CSGALNACT1: variants seen among roughly 807,000 people sequenced by gnomAD.
CSGALNACT1 encodes beta4GalNAcT-1.
CSGALNACT1 carries 52 observed loss-of-function variants against 51.0 expected under a neutral mutation model. That is an observed-to-expected ratio of 1.02 (90% CI 0.82 to 1.29). CSGALNACT1 has a LOEUF of 1.29. Among genes scored for constraint, CSGALNACT1 ranks in the 50% most tolerant of loss-of-function variants. The probability of loss-of-function intolerance (pLI) is 0.00; values close to 1 mark genes in which losing one functional copy is unlikely to be tolerated. For synonymous variants in CSGALNACT1, 341 were observed against 254.4 expected, an observed-to-expected ratio of 1.34 and a Z score of -3.24; for missense variants, 935 against 679.2, an observed-to-expected ratio of 1.38 and a Z score of -4.19.
At chr8:19,404,531 C>T (rs2053773901) in exon 10 of CSGALNACT1, 1 of 453,828 alleles carries the variant, frequency 2.2e-6, no homozygotes. Flanking sequence ...CAGTTACTTC[C>T]ACCTGGCCTG....
chr8:19,635,488 T>C lies in CSGALNACT1; in HGVS notation c.-543-33623A>G, dbSNP rs181013029. ...CGCATACATGTGGCATCTGTTAGTG[T>C]CAGGGGCTTAGGGGTGAACCTCGGC... On this transcript the variant is annotated intron_variant, in intron 1 of 9. Coordinates refer to the CSGALNACT1 transcript ENST00000332246. Among the ~76,000 whole-genome samples the C allele has an allele frequency of 1.1e-4, 17 of 152,318 alleles. No individual in the cohort carries two copies. The East Asian group carries it at 2.9e-3, about 26-fold the overall frequency.
At chr8:19,604,524 C>A (rs560109801), upstream of CSGALNACT1, among the ~76,000 whole-genome samples, 43 of 152,286 alleles carry the variant, frequency 2.8e-4, no homozygotes, top group Middle Eastern at 3.4e-3. Flanking sequence ...CAAAACCAAA[C>A]TCTACAAAGG....
chr8:19,698,790 A>C (rs911167352), intron 1 of CSGALNACT1, among the ~76,000 whole-genome samples: 2 of 152,210 alleles, frequency 1.3e-5, no homozygotes, highest in Non-Finnish European at 2.9e-5. Context: ...TCATTGATTT[A>C]CCATATGATC....
intron 9 of CSGALNACT1, among the ~76,000 whole-genome samples, 178 bp downstream of exon 8, chr8:19,408,435 C>G (rs1435203452): frequency 7.1e-6 from 1 of 141,100 alleles, no homozygotes; most frequent in South Asian, 2.5e-4. Flanking sequence ...ACTGGGATTA[C>G]AGGTGTGAGC....
chr8:19,537,534 T>C (rs2084040110), intron 3 of CSGALNACT1, among the ~76,000 whole-genome samples: 1 of 152,194 alleles, frequency 6.6e-6, no homozygotes, highest in South Asian at 2.1e-4. Flanking sequence ...TCCTGTTCCC[T>C]TTACCCCTCA....
chr8:19,641,163 C>T (rs1441890542), intron 1 of CSGALNACT1, among the ~76,000 whole-genome samples: 1 of 140,656 alleles, frequency 7.1e-6, no homozygotes, highest in Non-Finnish European at 1.5e-5. Context: ...TTTAAACCAA[C>T]CCTCTCTCTC....
At chr8:19,493,307 G>A (rs964954024) in intron 4 of CSGALNACT1, among the ~76,000 whole-genome samples, 2 of 152,080 alleles carry the variant, frequency 1.3e-5, no homozygotes, top group Non-Finnish European at 2.9e-5. Context: ...GGGGGAGGGG[G>A]ACAGAGATTG....
chr8:19,744,451 G>A (rs1044065562), intron 1 of CSGALNACT1, among the ~76,000 whole-genome samples: 9 of 152,118 alleles, frequency 5.9e-5, no homozygotes, highest in South Asian at 2.1e-4. Flanking sequence ...TGTCCAACAC[G>A]TCCCTTATAA....
At chr8:19,468,036 G>C (rs1381353437) in intron 4 of CSGALNACT1, among the ~76,000 whole-genome samples, 1 of 152,264 alleles carries the variant, frequency 6.6e-6, no homozygotes, top group South Asian at 2.1e-4. Context: ...GTGCTTTCAG[G>C]ATTCACATTC....
intron 3 of CSGALNACT1, among the ~76,000 whole-genome samples, chr8:19,507,904 G>A (rs532152476): frequency 6.6e-6 from 1 of 152,372 alleles, no homozygotes; most frequent in Admixed American, 6.5e-5. Flanking sequence ...TGGGATTACA[G>A]GCGTGAGCCG....
At chr8:19,562,529 A>G (rs1309427315) in intron 3 of CSGALNACT1, among the ~76,000 whole-genome samples, 1 of 152,154 alleles carries the variant, frequency 6.6e-6, no homozygotes, top group Non-Finnish European at 1.5e-5. Flanking sequence ...CAATCTACAG[A>G]ATGGGGAAAA....
intron 8 of CSGALNACT1, 136 bp from the exon 8 acceptor site, chr8:19,408,830 C>T (rs374498183): frequency 1.4e-5 from 11 of 765,206 alleles, no homozygotes; most frequent in East Asian, 1.0e-4. Context: ...GTGCAGGAAA[C>T]GCAGATGGAT....
At chr8:19,554,419 C>T (rs1468371989) in intron 3 of CSGALNACT1, among the ~76,000 whole-genome samples, 1 of 152,098 alleles carries the variant, frequency 6.6e-6, no homozygotes, top group Admixed American at 6.6e-5. Flanking sequence ...GGCCAAGATC[C>T]TCACCTTCTA....
intron 5 of CSGALNACT1, among the ~76,000 whole-genome samples, chr8:19,440,940 C>A (rs2061235959): frequency 6.6e-6 from 1 of 152,032 alleles, no homozygotes. Context: ...AAACAGAGAG[C>A]CCAATCATGA....
At chr8:19,558,986 A>C (rs2040099824) in intron 3 of CSGALNACT1, among the ~76,000 whole-genome samples, 1 of 152,192 alleles carries the variant, frequency 6.6e-6, no homozygotes, top group Admixed American at 6.5e-5. Context: ...CAAATATTTG[A>C]TGTTCCTTGA....
At chr8:19,722,812 G>A in intron 1 of CSGALNACT1, among the ~76,000 whole-genome samples, 1 of 152,166 alleles carries the variant, frequency 6.6e-6, no homozygotes, top group Non-Finnish European at 1.5e-5. Context: ...TAACATGTTG[G>A]GGACCAGTAT....
chr8:19,660,019 T>G (rs2058625127), intron 1 of CSGALNACT1, among the ~76,000 whole-genome samples: 1 of 152,212 alleles, frequency 6.6e-6, no homozygotes, highest in African/African-American at 2.4e-5. Flanking sequence ...GTAGTACTAT[T>G]ATTGTCCCAG....
At chr8:19,616,479 G>A (rs552839143) in intron 1 of CSGALNACT1, among the ~76,000 whole-genome samples, 5 of 152,164 alleles carry the variant, frequency 3.3e-5, no homozygotes, top group Admixed American at 3.3e-4. Flanking sequence ...TTTCATCCAA[G>A]GACTGGCTAA....
At chr8:19,548,987 T>A (rs188215753) in intron 3 of CSGALNACT1, among the ~76,000 whole-genome samples, 58 of 152,238 alleles carry the variant, frequency 3.8e-4, no homozygotes, top group Middle Eastern at 3.4e-3. Flanking sequence ...CCTTATACTC[T>A]TTGAAATTTT....
Sources: gnomAD v4.1 joint callset for allele counts (sites outside exome capture counted in the v4.1 genomes callset) on GRCh38, gnomAD v4.1.1 for gene constraint, MANE v1.5 for transcripts, NCBI Gene and HGNC (gene_info 2026-07-23, HGNC 2026-07-21) for gene names.